The following MC2R variants were observed in gnomAD, a reference collection of about 807,000 sequenced individuals.
MC2R encodes adrenocorticotropic hormone receptor.
Under a neutral mutation model 9.8 loss-of-function variants are expected in MC2R, and 9 were observed. That is an observed-to-expected ratio of 0.92 (90% CI 0.55 to 1.60). MC2R has a LOEUF of 1.60. MC2R is among the 40% of genes most tolerant of loss of function. The probability of loss-of-function intolerance (pLI) is 0.00; values close to 1 mark genes in which losing one functional copy is unlikely to be tolerated. For missense variants in MC2R, 370 were observed against 389.0 expected, an observed-to-expected ratio of 0.95 and a Z score of 0.41; for synonymous variants, 185 against 154.7, an observed-to-expected ratio of 1.20 and a Z score of -1.45.
intron 1 of MC2R, among the ~76,000 whole-genome samples, chr18:13,907,314 T>A (rs2045419755): frequency 1.3e-5 from 2 of 152,058 alleles, no homozygotes. Context: ...AAACTGGATA[T>A]CCATATGCAG....
At chr18:13,905,747 T>C (rs963085843) in intron 1 of MC2R, among the ~76,000 whole-genome samples, 2 of 152,156 alleles carry the variant, frequency 1.3e-5, no homozygotes, top group Non-Finnish European at 2.9e-5. Flanking sequence ...CATTACTGGG[T>C]ATATACCCAA....
intron 1 of MC2R, among the ~76,000 whole-genome samples, chr18:13,913,169 C>T (rs138930590): frequency 5.9e-4 from 73 of 124,628 alleles, no homozygotes; most frequent in African/African-American, 2.6e-3. Context: ...GCTAGGGAGG[C>T]ATGAAGCCCA....
chr18:13,895,008 G>A (rs538903753), intron 1 of MC2R, among the ~76,000 whole-genome samples: 20 of 151,616 alleles, frequency 1.3e-4, no homozygotes, highest in Non-Finnish European at 2.5e-4. Flanking sequence ...TAGATGTCTT[G>A]TCTCCTGAGC....
chr18:13,892,252 G>C (rs2045319461), intron 1 of MC2R, among the ~76,000 whole-genome samples: 2 of 151,958 alleles, frequency 1.3e-5, no homozygotes, highest in Non-Finnish European at 2.9e-5. Flanking sequence ...TGGTCTGAAT[G>C]TTGAAAGCCA....
At chr18:13,908,509 T>C (rs970407993) in intron 1 of MC2R, among the ~76,000 whole-genome samples, 1 of 152,200 alleles carries the variant, frequency 6.6e-6, no homozygotes, top group Non-Finnish European at 1.5e-5. Context: ...CCAAAATGGC[T>C]AGAAGAGAAG....
intron 1 of MC2R, among the ~76,000 whole-genome samples, chr18:13,905,588 A>G (rs1247082966): frequency 6.6e-6 from 1 of 152,164 alleles, no homozygotes; most frequent in Non-Finnish European, 1.5e-5. Context: ...TTAAAAAGTC[A>G]GGAAACAATA....
intron 1 of MC2R, among the ~76,000 whole-genome samples, chr18:13,902,507 A>T (rs1598466539): frequency 6.6e-6 from 1 of 152,058 alleles, no homozygotes; most frequent in East Asian, 1.9e-4. Flanking sequence ...TAGACCAATG[A>T]AACAGAATAC....
rs374040158 is a variant in MC2R, at chr18:13,908,706, T to TTTGTGTGTGTGTGTGTGTGTGTGTGTG, written c.-129+6781_-129+6782insCACACACACACACACACACACACACAA. ...TGCAGTTCAACGGTGCAGGAGCTTC[T>TTTGTGTGTGTGTGTGTGTGTGTGTGTG]TGTGTGTGTGTGTGTGTGTGTGTGT... On this transcript the variant is annotated intron_variant, in intron 1 of 1. Coordinates refer to ENST00000327606, the MANE Select transcript of MC2R (RefSeq NM_000529.2). 4.2e-4 allele frequency among the ~76,000 whole-genome samples: 60 copies of TTTGTGTGTGTGTGTGTGTGTGTGTGTG among 142,670 alleles called. 1 individual carries two copies. Among genetic ancestry groups the TTTGTGTGTGTGTGTGTGTGTGTGTGTG allele is most frequent in the Admixed American group, 6.2e-4 (9 of 14,612 alleles). The allele number at this position is 142,670 out of a possible 152,430, so 93.6% of individuals were successfully genotyped here. A position where few individuals can be genotyped will look rare whatever the true frequency, so the allele number is the denominator to read the frequency against.
Position 13,893,615 on chromosome 18 carries a change from G to A in MC2R, c.-128-7969C>T, listed in dbSNP as rs1167278319. 5.9e-5 allele frequency among the ~76,000 whole-genome samples: 9 copies of A among 152,102 alleles called. No individual in the cohort carries two copies. In the South Asian group the frequency reaches 6.2e-4, roughly 10 times the overall value. ...TCTTGAGGTAATGGAGATCTCAGCC[G>A]GCCCAGCTGTCGCCTGTGCCTGCCC... On this transcript the variant is annotated intron_variant, in intron 1 of 1. Coordinates refer to ENST00000327606, the MANE Select transcript of MC2R (RefSeq NM_000529.2).
chr18:13,892,704 T>C (rs1380170493), intron 1 of MC2R, among the ~76,000 whole-genome samples: 7 of 151,882 alleles, frequency 4.6e-5, no homozygotes, highest in African/African-American at 1.5e-4. Context: ...TTCAGTCAAG[T>C]TGAGATAAAA....
chr18:13,902,058 A>AT (rs992097974), intron 1 of MC2R, among the ~76,000 whole-genome samples: 3 of 152,204 alleles, frequency 2.0e-5, no homozygotes, highest in African/African-American at 4.8e-5. Context: ...ACCAAGTGGG[A>AT]TTTTTTCCCT....
Position 13,886,270 on chromosome 18 carries a change from C to T in MC2R, c.-128-624G>A, listed in dbSNP as rs190109947. Among the ~76,000 whole-genome samples the T allele has an allele frequency of 3.3e-5, 5 of 152,314 alleles. No individual in the cohort carries two copies. The East Asian group carries it at 9.6e-4, about 29-fold the overall frequency. On this transcript the variant is annotated intron_variant, in intron 1 of 1. Transcript: ENST00000327606. The stretch of plus-strand genomic sequence containing the variant: ...TAGGTAAAATAATATACTGGGCCCT[C>T]ATCTTAAGCACTTTGTGAGAAAAAG...
intron 1 of MC2R, among the ~76,000 whole-genome samples, chr18:13,886,750 G>T (rs959672983): frequency 3.3e-5 from 5 of 152,152 alleles, no homozygotes; most frequent in Non-Finnish European, 5.9e-5. Context: ...GTGCACCAGT[G>T]GGGAAAGCCA....
chr18:13,906,522 C>T (rs763974200), intron 1 of MC2R, among the ~76,000 whole-genome samples: 4 of 151,720 alleles, frequency 2.6e-5, no homozygotes, highest in Non-Finnish European at 4.4e-5. Flanking sequence ...CAAACCTGCA[C>T]GTTCTGCACA....
chr18:13,914,060 ATT>A (rs11324197), intron 1 of MC2R, among the ~76,000 whole-genome samples: 18 of 145,896 alleles, frequency 1.2e-4, no homozygotes, highest in East Asian at 4.0e-4. Flanking sequence ...AAAGAATAGG[ATT>A]TTTTTTTTTT....
At chr18:13,888,918 C>A (rs776658991) in intron 1 of MC2R, among the ~76,000 whole-genome samples, 12 of 152,200 alleles carry the variant, frequency 7.9e-5, no homozygotes, top group Non-Finnish European at 1.5e-4. Context: ...TGGCTCTCAT[C>A]CATTCAAAGC....
rs755664098 is a variant in MC2R at position 13,884,972 on chromosome 18, G to A, written c.547C>T (p.Pro183Ser). 1.9e-6 allele frequency: 3 copies of A among 1,614,114 alleles called. No individual in the cohort carries two copies. In the South Asian group the frequency reaches 3.3e-5, roughly 18 times the overall value. ...CACAGGATGAAGACCAGCATCAGCGGGAACAGCGACGTGAAGGTGATCACT... is the reference window on the plus strand; with the variant it reads ...CACAGGATGAAGACCAGCATCAGCGAGAACAGCGACGTGAAGGTGATCACT... ...PTVITFTSLF[P>S]LMLVFILCLY... Residue 183 changes from proline to serine, a missense_variant, in exon 2 of 2, where the codon CCG (proline) becomes TCG (serine). By Grantham distance (74) the Pro-to-Ser change is moderately conservative. Transcript: ENST00000327606.
intron 1 of MC2R, among the ~76,000 whole-genome samples, chr18:13,914,359 C>T (rs28609079): frequency 0.063 from 9,659 of 152,156 alleles, 982 homozygotes; most frequent in African/African-American, 0.21. Context: ...TCCTCAGCGC[C>T]GGGGCTCCAG....
intron 1 of MC2R, among the ~76,000 whole-genome samples, chr18:13,915,126 A>T (rs2045468785): frequency 6.6e-6 from 1 of 152,212 alleles, no homozygotes; most frequent in Admixed American, 6.5e-5. Flanking sequence ...TGATCAGGTG[A>T]AGGGGCTAAC....
Sources: gnomAD v4.1 joint callset for allele counts (sites outside exome capture counted in the v4.1 genomes callset) on GRCh38, gnomAD v4.1.1 for gene constraint, MANE v1.5 for transcripts, NCBI Gene and HGNC (gene_info 2026-07-23, HGNC 2026-07-21) for gene names.